THSD7B: variants seen among roughly 807,000 people sequenced by gnomAD.
THSD7B encodes the protein thrombospondin type-1 domain-containing protein 7B.
Under a neutral mutation model 213.6 loss-of-function variants are expected in THSD7B, and 138 were observed. That is an observed-to-expected ratio of 0.65 (90% CI 0.56 to 0.74). The LOEUF is 0.74. Among genes scored for constraint, THSD7B ranks in the 30% least tolerant of loss-of-function variants. The probability of loss-of-function intolerance (pLI) is 0.00; values close to 1 mark genes in which losing one functional copy is unlikely to be tolerated. For synonymous variants in THSD7B, 742 were observed against 687.0 expected, an observed-to-expected ratio of 1.08 and a Z score of -1.25; for missense variants, 1,931 against 1,991.5, an observed-to-expected ratio of 0.97 and a Z score of 0.58.
intron 2 of THSD7B, among the ~76,000 whole-genome samples, chr2:136,990,642 G>A (rs994463448): frequency 6.6e-6 from 1 of 152,080 alleles, no homozygotes; most frequent in Non-Finnish European, 1.5e-5. Flanking sequence ...GGGGGAAAAT[G>A]GCCTTATTTC....
chr2:137,516,541 C>T (rs1219000041), intron 15 of THSD7B, among the ~76,000 whole-genome samples: 1 of 152,138 alleles, frequency 6.6e-6, no homozygotes, highest in Non-Finnish European at 1.5e-5. Flanking sequence ...TCTGAGCTGA[C>T]CTTGATTTCA....
intron 17 of THSD7B, among the ~76,000 whole-genome samples, chr2:137,584,158 G>C (rs1244936472): frequency 6.6e-6 from 1 of 151,532 alleles, no homozygotes; most frequent in African/African-American, 2.4e-5. Flanking sequence ...TTGCTGTATA[G>C]GAATGCTTGT....
At chr2:137,533,184 A>G (rs1389205369) in intron 15 of THSD7B, among the ~76,000 whole-genome samples, 1 of 151,808 alleles carries the variant, frequency 6.6e-6, no homozygotes, top group Non-Finnish European at 1.5e-5. Context: ...ATAATTCCCT[A>G]TTGCTAAATT....
chr2:137,566,843 G>T (rs1260623726), intron 16 of THSD7B, among the ~76,000 whole-genome samples: 1 of 151,152 alleles, frequency 6.6e-6, no homozygotes, highest in Non-Finnish European at 1.5e-5. Flanking sequence ...TGCCAAAAAA[G>T]AAAAACGAAA....
chr2:137,581,676 C>T (rs774104341), intron 17 of THSD7B, among the ~76,000 whole-genome samples: 15 of 149,896 alleles, frequency 1.0e-4, no homozygotes, highest in African/African-American at 2.7e-4. Flanking sequence ...AGGAGAATGG[C>T]GTGAACCCGG....
chr2:136,920,304 T>C (rs1197455217), intron 2 of THSD7B, among the ~76,000 whole-genome samples: 1 of 152,168 alleles, frequency 6.6e-6, no homozygotes, highest in African/African-American at 2.4e-5. Flanking sequence ...GTCGTCCTGA[T>C]GAGTGTCCAG....
At chr2:136,983,502 GTT>G (rs35564943) in intron 2 of THSD7B, among the ~76,000 whole-genome samples, 10,428 of 127,848 alleles carry the variant, frequency 0.082, 577 homozygotes, top group African/African-American at 0.17. Context: ...AGTAAAATCT[GTT>G]TTTTTTTTTT....
At chr2:137,561,499 C>T (rs1681117766) in intron 15 of THSD7B, among the ~76,000 whole-genome samples, 2 of 152,064 alleles carry the variant, frequency 1.3e-5, no homozygotes, top group Non-Finnish European at 2.9e-5. Context: ...GGCAGAGGTG[C>T]TCTCTTCTAT....
At chr2:137,219,777 G>A (rs114481606) in intron 7 of THSD7B, among the ~76,000 whole-genome samples, 42 of 151,116 alleles carry the variant, frequency 2.8e-4, no homozygotes, top group Middle Eastern at 3.4e-3. Flanking sequence ...ACATTGTGCC[G>A]GATGTTTGCA....
chr2:137,117,929 T>C (rs955884151), intron 5 of THSD7B, among the ~76,000 whole-genome samples: 4 of 152,206 alleles, frequency 2.6e-5, no homozygotes, highest in Non-Finnish European at 5.9e-5. Context: ...TTTGGTGATG[T>C]CTCATTCCTC....
At chr2:137,224,776 A>G (rs1470677827) in intron 7 of THSD7B, among the ~76,000 whole-genome samples, 1 of 152,124 alleles carries the variant, frequency 6.6e-6, no homozygotes, top group Non-Finnish European at 1.5e-5. Flanking sequence ...GGTTCACGCC[A>G]TTCTCCTGCT....
In THSD7B at chr2:137,294,636, T is replaced by G. The variant is rs907804865; in HGVS notation, c.2500+18610T>G. On this transcript the variant is annotated intron_variant, in intron 12 of 27. Transcript: ENST00000409968. ...GAGAGAGACCACATTCATATAATTT[T>G]ATTATAGTATATTATTAAAATTATC... Among the ~76,000 whole-genome samples the G allele has an allele frequency of 2.0e-5, 3 of 150,774 alleles. No individual in the cohort carries two copies. In the East Asian group the frequency reaches 5.8e-4, roughly 29 times the overall value.
At chr2:137,163,233 A>G (rs1278191800) in intron 6 of THSD7B, among the ~76,000 whole-genome samples, 2 of 152,134 alleles carry the variant, frequency 1.3e-5, no homozygotes, top group Non-Finnish European at 2.9e-5. Context: ...TTCATAAGAC[A>G]CCACTTGCTG....
Position 137,211,079 on chromosome 2 carries a change from G to A in THSD7B, c.1724-19965G>A, listed in dbSNP as rs114233782. Among the ~76,000 whole-genome samples the A allele has an allele frequency of 2.6e-3, 396 of 151,870 alleles. 3 individuals are homozygous for A. Among genetic ancestry groups the A allele is most frequent in the African/African-American group, 8.2e-3 (340 of 41,460 alleles). ...ACCTGTTAAAGTGAACATTCATTGA[G>A]ACCCTATTATTGCAAGATACTTCCT... On this transcript the variant is annotated intron_variant, in intron 7 of 27. Transcript: ENST00000409968.
rs1002848687 is a variant in THSD7B, at chr2:136,894,707, A to G, written c.139+12390A>G. On this transcript the variant is annotated intron_variant, in intron 2 of 27. Transcript: ENST00000409968. ...CCTTCTGACACGTAGAACGTAATGT[A>G]GTTTGGATACATACACATGCATCTA... Among the ~76,000 whole-genome samples, 4 of 152,198 alleles carry G rather than the reference A, an allele frequency of 2.6e-5. No homozygotes were observed. In the East Asian group the frequency reaches 7.7e-4, roughly 29 times the overall value.
chr2:137,254,325 C>T (rs529288701), intron 10 of THSD7B, among the ~76,000 whole-genome samples: 1 of 152,246 alleles, frequency 6.6e-6, no homozygotes, highest in Non-Finnish European at 1.5e-5. Context: ...ATATGTTTGT[C>T]ATATTGTATT....
chr2:137,039,305 A>G (rs1686834893), intron 2 of THSD7B, among the ~76,000 whole-genome samples: 1 of 152,106 alleles, frequency 6.6e-6, no homozygotes, highest in Admixed American at 6.5e-5. Flanking sequence ...GGGATTTTTG[A>G]TAGGATTAAA....
At chr2:136,891,065 C>CT (rs1022458954) in intron 2 of THSD7B, among the ~76,000 whole-genome samples, 2 of 151,564 alleles carry the variant, frequency 1.3e-5, no homozygotes, top group Non-Finnish European at 2.9e-5. Flanking sequence ...TCTACAATCC[C>CT]TTTTTTTAAT....
intron 2 of THSD7B, among the ~76,000 whole-genome samples, chr2:136,912,006 G>A (rs1449808021): frequency 2.6e-5 from 4 of 152,008 alleles, no homozygotes; most frequent in Non-Finnish European, 5.9e-5. Flanking sequence ...GCGGAATGCA[G>A]GAAGGGAAAG....
Sources: gnomAD v4.1 joint callset for allele counts (sites outside exome capture counted in the v4.1 genomes callset) on GRCh38, gnomAD v4.1.1 for gene constraint, MANE v1.5 for transcripts, NCBI Gene and HGNC (gene_info 2026-07-23, HGNC 2026-07-21) for gene names.